Variants in CLASRP observed in about 807,000 individuals in gnomAD.
The protein encoded by CLASRP is CLK4 associating serine/arginine rich protein.
Under a neutral mutation model 99.9 loss-of-function variants are expected in CLASRP, and 52 were observed. The observed-to-expected ratio is 0.52, with a 90% confidence interval of 0.42 to 0.66. The LOEUF (loss-of-function observed/expected upper bound fraction) is 0.66. Ranked by LOEUF, CLASRP falls within the 30% of genes least tolerant of loss-of-function variation. The pLI, the probability that CLASRP is intolerant of heterozygous loss-of-function variation, is 0.00. For missense variants in CLASRP, 848 were observed against 999.2 expected, an observed-to-expected ratio of 0.85 and a Z score of 2.04; for synonymous variants, 379 against 373.0, an observed-to-expected ratio of 1.02 and a Z score of -0.18.
chr19:45,050,144 G>A (rs1971995279), intron 2 of CLASRP, among the ~76,000 whole-genome samples: 2 of 149,028 alleles, frequency 1.3e-5, no homozygotes, highest in Admixed American at 1.4e-4. Flanking sequence ...GCAGAGTAGG[G>A]GAGGGAAGAA....
At chr19:45,045,374 G>A (rs972491662) in intron 2 of CLASRP, among the ~76,000 whole-genome samples, 3 of 152,068 alleles carry the variant, frequency 2.0e-5, no homozygotes, top group East Asian at 1.9e-4. Context: ...AAAATTAGCC[G>A]GGCATGATGG....
Position 45,052,077 on chromosome 19 carries a change from G to A in CLASRP, c.106G>A (p.Asp36Asn). 6.2e-7 allele frequency: 1 copy of A among 1,613,926 alleles called. No individual in the cohort carries two copies. ...RREYYEKIKKDPAQFLQVHGR... is the reference protein window; with the variant it reads ...RREYYEKIKKNPAQFLQVHGR... ...GTCCTGTTTACCCCTGCAGAAGAAGGACCCAGCCCAGTTCCTGCAGGTACA... is the reference window on the plus strand; with the variant it reads ...GTCCTGTTTACCCCTGCAGAAGAAGAACCCAGCCCAGTTCCTGCAGGTACA... The change falls in exon 3 of 21, where the codon GAC becomes AAC. Residue 36 changes from aspartate (D) to asparagine (N), a missense_variant. Physicochemically the swap from Asp to Asn is conservative, Grantham distance 23. This residue lies in a region of CLASRP where 46 missense variants were observed against 96.8 expected (regional missense o/e 0.48). Transcript: ENST00000221455.
chr19:45,053,124 G>T lies in CLASRP; in HGVS notation c.326G>T (p.Arg109Leu). The T allele has an allele frequency of 6.2e-7, 1 of 1,614,082 alleles. No individual in the cohort carries two copies. Among genetic ancestry groups the T allele is most frequent in the Non-Finnish European group, 8.5e-7 (1 of 1,180,014 alleles). Residue 109 changes from arginine (R) to leucine (L), a missense_variant, in exon 5 of 21, where the codon CGG becomes CTG. Arg to Leu is a moderately radical substitution (Grantham distance 102). This residue lies in a region of CLASRP where 54 missense variants were observed against 38.7 expected (regional missense o/e 1.39). Transcript: ENST00000221455. ...TISPEQESDE[R>L]KCNYERYRGL... Reference sequence around the variant, plus strand: ...TCCCCAGAACAGGAGTCGGACGAACGGAAGTGTAACTACGAGCGCTACAGA... The same window carrying T: ...TCCCCAGAACAGGAGTCGGACGAACTGAAGTGTAACTACGAGCGCTACAGA...
At chr19:45,070,238 G>A (rs144092648) in intron 19 of CLASRP, 134 bp downstream of exon 19, 10 of 691,600 alleles carry the variant, frequency 1.4e-5, no homozygotes, top group African/African-American at 8.8e-5. Context: ...AGGCTGAGGT[G>A]GGTGGATCAA....
At chr19:45,063,757 C>A (rs886822927) in intron 11 of CLASRP, among the ~76,000 whole-genome samples, 2 of 152,030 alleles carry the variant, frequency 1.3e-5, no homozygotes, top group Admixed American at 1.3e-4. Flanking sequence ...GCCTGCTCAT[C>A]CATTTTTCAT....
intron 1 of CLASRP, 173 bp from the exon 2 acceptor site, chr19:45,040,011 T>G: frequency 2.1e-6 from 1 of 468,594 alleles, no homozygotes; most frequent in South Asian, 2.6e-5. Context: ...ATCGAAGTTG[T>G]TAGGGATGGA....
At chr19:45,064,778 C>T (rs1967045008) in intron 13 of CLASRP, 148 bp downstream of exon 13, 1 of 1,399,366 alleles carries the variant, frequency 7.1e-7, no homozygotes, top group Non-Finnish European at 9.4e-7. Flanking sequence ...TGCTCTTCCG[C>T]AGGAAGCCCT....
At chr19:45,061,467 C>CT (rs1288276578) in intron 10 of CLASRP, among the ~76,000 whole-genome samples, 3 of 149,590 alleles carry the variant, frequency 2.0e-5, no homozygotes, top group South Asian at 2.1e-4. Flanking sequence ...GATAGTCTCT[C>CT]TTTTTTTTTT....
Position 45,053,500 on chromosome 19 carries a change from C to T in CLASRP, c.379+323C>T, listed in dbSNP as rs117829779. Among the ~76,000 whole-genome samples, 1,584 of 152,068 alleles carry T rather than the reference C, an allele frequency of 0.01. 74 individuals carry two copies. The East Asian group carries it at 0.12, about 12-fold the overall frequency. On this transcript the variant is annotated intron_variant, in intron 5 of 20. Coordinates refer to ENST00000221455, the MANE Select transcript of CLASRP (RefSeq NM_007056.3). ...TTTTTATTTATTTATTTATTTGAGGCGGAGTTTCGTTCTTGTTGCCCAGGC... is the reference window on the plus strand; with the variant it reads ...TTTTTATTTATTTATTTATTTGAGGTGGAGTTTCGTTCTTGTTGCCCAGGC...
rs761179200 is a variant in CLASRP, at chr19:45,064,611, G to T, written c.1390G>T (p.Gly464Trp). Residue 464 changes from glycine to tryptophan, a missense_variant, in exon 13 of 21, where the codon GGG becomes TGG. This residue lies in a region of CLASRP where 489 missense variants were observed against 434.7 expected (regional missense o/e 1.12). Transcript: ENST00000221455. Reference protein sequence around the residue: ...SRSPARRGGYGPRRRSRSRSH... With the variant: ...SRSPARRGGYWPRRRSRSRSH... ...CTCGCCCGCCCGGCGTGGTGGTTAC[G>T]GGCCCCGGCGCAGAAGCAGGTGTGT... is the stretch of plus-strand genomic sequence containing the variant. 1 of 1,551,794 alleles carries T rather than the reference G, an allele frequency of 6.4e-7. No individual in the cohort carries two copies. Among genetic ancestry groups the T allele is most frequent in the Non-Finnish European group, 8.7e-7 (1 of 1,154,754 alleles).
chr19:45,060,759 G>C lies in CLASRP; in HGVS notation c.863+132G>C, dbSNP rs531904560. On this transcript the variant is annotated intron_variant, in intron 10 of 20. Coordinates refer to ENST00000221455, the MANE Select transcript of CLASRP (RefSeq NM_007056.3). This position sits in a 1 kb window ranked among gnomAD's most constrained non-coding sequence, Gnocchi z 4.6. ...AGTCTTTCTAGTGGGGCGATGCATG[G>C]CCATCGTGAAGGTTTAGAGGTAGGA... 5.0e-5 allele frequency: 36 copies of C among 720,294 alleles called. No individual in the cohort carries two copies. The highest frequency in any genetic ancestry group is 7.1e-5 in the Non-Finnish European group (31 of 435,918). The allele number at this position is 720,294 out of a possible 1,614,324, so 44.6% of individuals were successfully genotyped here.
chr19:45,062,613 C>T (rs549871144), intron 11 of CLASRP, among the ~76,000 whole-genome samples: 186 of 152,318 alleles, frequency 1.2e-3, no homozygotes, highest in African/African-American at 4.4e-3. Flanking sequence ...AATCTCCTGA[C>T]CTCGTGATCC....
intron 5 of CLASRP, 80 bp from the exon 6 acceptor site, chr19:45,056,370 C>A: frequency 7.8e-7 from 1 of 1,276,248 alleles, no homozygotes; most frequent in Non-Finnish European, 1.1e-6. Context: ...GTCTTCCTGC[C>A]CCACCGCACC....
At position 45,069,205 on chromosome 19, in the gene CLASRP, C is replaced by T; in HGVS notation, c.1831C>T (p.Arg611Trp). ...CTCATAGCCCTGTCTGCTGCAGGAG[C>T]GGGAAGACGAGCTTCGAGCCATGGC... The part of the protein sequence containing the change: ...MIQQEHERQE[R>W]EDELRAMARK... The change falls in exon 18 of 21, where the codon CGG (arginine) becomes TGG (tryptophan). Residue 611 changes from arginine to tryptophan, a missense_variant. This residue lies in a region of CLASRP where 116 missense variants were observed against 162.7 expected (regional missense o/e 0.71). Transcript: ENST00000221455. 2 of 1,613,990 alleles carry T rather than the reference C, an allele frequency of 1.2e-6. No homozygotes were observed. Among genetic ancestry groups the T allele is most frequent in the Non-Finnish European group, 1.7e-6 (2 of 1,179,986 alleles).
intron 2 of CLASRP, among the ~76,000 whole-genome samples, chr19:45,041,140 G>A (rs1047644807): frequency 1.3e-5 from 2 of 150,998 alleles, no homozygotes; most frequent in African/African-American, 2.4e-5. Flanking sequence ...AGAATGGTGT[G>A]AACCGGGGAG....
chr19:45,060,021 A>T lies in CLASRP; in HGVS notation c.711-368A>T, dbSNP rs969165712. 6.6e-6 allele frequency among the ~76,000 whole-genome samples: 1 copy of T among 152,054 alleles called. No individual in the cohort carries two copies. Among genetic ancestry groups the T allele is most frequent in the Non-Finnish European group, 1.5e-5 (1 of 68,020 alleles). The stretch of plus-strand genomic sequence containing the variant: ...TTGGACGTCTGCAGCTTGCTCCCCC[A>T]GGTTTTTCTCTAGATACCCTGTTTT... On this transcript the variant is annotated intron_variant, in intron 8 of 20. Coordinates refer to ENST00000221455, the MANE Select transcript of CLASRP (RefSeq NM_007056.3). The surrounding 1 kb of genome is among the most constrained non-coding windows in gnomAD (Gnocchi z 4.6).
intron 10 of CLASRP, among the ~76,000 whole-genome samples, chr19:45,061,787 T>C (rs965685232): frequency 2.7e-5 from 4 of 150,306 alleles, no homozygotes; most frequent in East Asian, 3.9e-4. Flanking sequence ...TTTAATCTTA[T>C]CATCATCATC....
intron 13 of CLASRP, 55 bp downstream of exon 13, chr19:45,064,685 C>T (rs1600112852): frequency 6.7e-7 from 1 of 1,486,194 alleles, no homozygotes; most frequent in Non-Finnish European, 8.9e-7. Context: ...GGTCTCCGAT[C>T]CTGGGGAGAA....
At chr19:45,068,311 T>TGCCCCCCC in intron 15 of CLASRP, 109 bp from the exon 16 acceptor site, 2 of 543,594 alleles carry the variant, frequency 3.7e-6, no homozygotes, top group African/African-American at 2.6e-5. Flanking sequence ...CACGTCGTTC[T>TGCCCCCCC]CCCCCCCCCA....
Sources: allele counts gnomAD v4.1 joint callset (sites outside exome capture counted in the v4.1 genomes callset), GRCh38; gene constraint gnomAD v4.1.1; regional missense constraint gnomAD v4.1.1; non-coding constraint Gnocchi (gnomAD v3.1); transcripts MANE v1.5; gene names NCBI Gene and HGNC (gene_info 2026-07-23, HGNC 2026-07-21).